FHIT: variants seen among roughly 807,000 people sequenced by gnomAD.
FHIT encodes the protein fragile histidine triad diadenosine triphosphatase, also known as bis(5'-adenosyl)-triphosphatase.
FHIT carries 19 observed loss-of-function variants against 17.9 expected under a neutral mutation model. The observed-to-expected ratio is 1.06, with a 90% CI of 0.74 to 1.56. FHIT has a LOEUF of 1.56. Ranked by LOEUF, FHIT falls within the 40% of genes most tolerant of loss-of-function variation. The pLI is 0.00. For missense variants in FHIT, 248 were observed against 189.2 expected, an observed-to-expected ratio of 1.31 and a Z score of -1.82; for synonymous variants, 81 against 69.7, an observed-to-expected ratio of 1.16 and a Z score of -0.81.
At chr3:60,008,124 A>G (rs537219321) in intron 7 of FHIT, among the ~76,000 whole-genome samples, 2 of 151,996 alleles carry the variant, frequency 1.3e-5, no homozygotes, top group South Asian at 4.2e-4. Context: ...AAACAAACAA[A>G]AGACAATGAA....
chr3:61,228,544 A>G (rs1385760793), intron 1 of FHIT, among the ~76,000 whole-genome samples: 1 of 152,180 alleles, frequency 6.6e-6, no homozygotes, highest in Non-Finnish European at 1.5e-5. Flanking sequence ...AAAAACTTAC[A>G]TTAAATAAAT....
chr3:60,018,905 G>A (rs368018220), intron 5 of FHIT, among the ~76,000 whole-genome samples: 8 of 152,134 alleles, frequency 5.3e-5, no homozygotes, highest in Admixed American at 2.6e-4. Context: ...CCTTGAATCC[G>A]GGAGGTGGAG....
At chr3:60,848,760 T>C (rs1305903640) in intron 3 of FHIT, among the ~76,000 whole-genome samples, 1 of 152,176 alleles carries the variant, frequency 6.6e-6, no homozygotes, top group Non-Finnish European at 1.5e-5. Context: ...GTGGTAAGCA[T>C]TCAAACTGGT....
At chr3:60,445,865 G>C (rs1354310718) in intron 5 of FHIT, among the ~76,000 whole-genome samples, 2 of 151,836 alleles carry the variant, frequency 1.3e-5, no homozygotes, top group Non-Finnish European at 2.9e-5. Context: ...TATGCAGAGA[G>C]AAAATGTGAA....
chr3:61,126,949 A>T (rs1350829351), intron 2 of FHIT, among the ~76,000 whole-genome samples: 1 of 152,118 alleles, frequency 6.6e-6, no homozygotes, highest in African/African-American at 2.4e-5. Flanking sequence ...GCTAGAAGAA[A>T]AGTAGAGAGC....
intron 5 of FHIT, among the ~76,000 whole-genome samples, chr3:60,113,745 T>C (rs1216389946): frequency 6.6e-6 from 1 of 151,094 alleles, no homozygotes; most frequent in Non-Finnish European, 1.5e-5. Context: ...CTCACACCTG[T>C]TATCCCAGCA....
intron 5 of FHIT, among the ~76,000 whole-genome samples, chr3:60,119,100 G>A (rs1198511392): frequency 6.6e-6 from 1 of 151,836 alleles, no homozygotes; most frequent in Non-Finnish European, 1.5e-5. Flanking sequence ...TTGAGACAGA[G>A]TCTCACTCTG....
intron 3 of FHIT, among the ~76,000 whole-genome samples, chr3:60,945,853 A>G (rs909342245): frequency 3.3e-5 from 5 of 152,180 alleles, no homozygotes; most frequent in Admixed American, 1.3e-4. Context: ...GTTGAGGTAC[A>G]GGTGAAGATA....
intron 5 of FHIT, among the ~76,000 whole-genome samples, chr3:60,117,491 A>T (rs1013324070): frequency 8.8e-6 from 1 of 113,928 alleles, no homozygotes; most frequent in Non-Finnish European, 1.7e-5. Flanking sequence ...ATTACTTCCT[A>T]TCTAAAAAAA....
intron 3 of FHIT, among the ~76,000 whole-genome samples, chr3:61,006,193 T>G (rs1261657375): frequency 6.6e-6 from 1 of 152,240 alleles, no homozygotes; most frequent in East Asian, 1.9e-4. Context: ...GTTAATGGTA[T>G]AATTTCAATT....
intron 5 of FHIT, among the ~76,000 whole-genome samples, chr3:60,022,207 A>C (rs1010105116): frequency 2.6e-5 from 4 of 152,208 alleles, no homozygotes; most frequent in African/African-American, 9.6e-5. Flanking sequence ...CAAAAAGTTG[A>C]GTACATGTCC....
At chr3:60,392,755 T>C (rs1379195702) in intron 5 of FHIT, among the ~76,000 whole-genome samples, 1 of 152,146 alleles carries the variant, frequency 6.6e-6, no homozygotes, top group African/African-American at 2.4e-5. Context: ...TAAAGCATAA[T>C]TATAGCAGTG....
chr3:59,988,073 A>G (rs1321014878), intron 7 of FHIT, among the ~76,000 whole-genome samples: 1 of 152,064 alleles, frequency 6.6e-6, no homozygotes, highest in Non-Finnish European at 1.5e-5. Flanking sequence ...TTTATAGGGA[A>G]TGCGTATCAG....
chr3:59,897,348 A>T (rs758053436), intron 8 of FHIT, among the ~76,000 whole-genome samples: 7 of 152,100 alleles, frequency 4.6e-5, no homozygotes, highest in Non-Finnish European at 8.8e-5. Context: ...GTCCTTCAAG[A>T]CCCAATTCAA....
intron 8 of FHIT, among the ~76,000 whole-genome samples, chr3:59,791,775 A>C (rs1420508510): frequency 2.6e-5 from 4 of 152,152 alleles, no homozygotes; most frequent in Non-Finnish European, 5.9e-5. Flanking sequence ...TATTTTGGGG[A>C]TGACCCTGTC....
intron 5 of FHIT, among the ~76,000 whole-genome samples, chr3:60,413,393 C>T (rs1195244252): frequency 3.9e-5 from 6 of 152,086 alleles, no homozygotes; most frequent in Non-Finnish European, 7.4e-5. Flanking sequence ...AACCATGCAA[C>T]GACTTCCCTG....
intron 3 of FHIT, among the ~76,000 whole-genome samples, chr3:60,994,535 T>C (rs1168694163): frequency 2.0e-5 from 3 of 152,160 alleles, no homozygotes; most frequent in Non-Finnish European, 4.4e-5. Context: ...AACCTCAGTT[T>C]CTCCATTTGT....
At chr3:60,238,143 C>CAA (rs5849346) in intron 5 of FHIT, among the ~76,000 whole-genome samples, 21,758 of 111,236 alleles carry the variant, frequency 0.2, 2,672 homozygotes, top group Non-Finnish European at 0.25. Context: ...GACTCCGTCT[C>CAA]AAAAAAAAAA....
At chr3:61,036,866 C>G (rs1286702850) in intron 3 of FHIT, among the ~76,000 whole-genome samples, 1 of 151,312 alleles carries the variant, frequency 6.6e-6, no homozygotes, top group Non-Finnish European at 1.5e-5. Flanking sequence ...TAAAAAATTA[C>G]CTTCGTGGTT....
Sources: gnomAD v4.1 joint callset for allele counts (sites outside exome capture counted in the v4.1 genomes callset) on GRCh38, gnomAD v4.1.1 for gene constraint, MANE v1.5 for transcripts, NCBI Gene and HGNC (gene_info 2026-07-23, HGNC 2026-07-21) for gene names.